Variants in VGLL4 observed in about 807,000 individuals in gnomAD.
VGLL4 encodes transcription cofactor vestigial-like protein 4.
VGLL4 carries 7 observed loss-of-function variants against 21.0 expected under a neutral mutation model. The observed-to-expected ratio is 0.33, with a 90% CI of 0.19 to 0.63. The LOEUF is 0.63. VGLL4 is among the 20% of genes least tolerant of loss of function. The pLI is 0.78. For missense variants in VGLL4, 394 were observed against 425.7 expected (o/e 0.93, Z 0.66); for synonymous variants, 222 against 173.2 (o/e 1.28, Z -2.21).
At chr3:11,563,607 C>T (rs533764580) in intron 3 of VGLL4, among the ~76,000 whole-genome samples, 283 of 152,314 alleles carry the variant, frequency 1.9e-3, no homozygotes, top group African/African-American at 6.4e-3. Flanking sequence ...GCTCGTAAAA[C>T]GTTGAAATGA....
At chr3:11,643,999 G>T, upstream of VGLL4, 2 of 990,252 alleles carry the variant, frequency 2.0e-6, no homozygotes, top group Non-Finnish European at 2.4e-6. Context: ...GAGGCAGGGA[G>T]GGCTTCTGCA....
intron 2 of VGLL4, among the ~76,000 whole-genome samples, chr3:11,595,331 AAAC>A (rs1412146807): frequency 6.6e-6 from 1 of 152,138 alleles, no homozygotes; most frequent in African/African-American, 2.4e-5. Flanking sequence ...AAAAGTCAGG[AAAC>A]AACAGGTGCT....
chr3:11,701,585 T>C (rs1286335445), intron 2 of VGLL4, among the ~76,000 whole-genome samples: 1 of 152,180 alleles, frequency 6.6e-6, no homozygotes, highest in African/African-American at 2.4e-5. Context: ...GTAAGCTCAG[T>C]ACACACGACA....
chr3:11,644,859 A>AG (rs563900907), upstream of VGLL4, among the ~76,000 whole-genome samples: 8,367 of 150,440 alleles, frequency 0.056, 292 homozygotes, highest in South Asian at 0.097. Context: ...AAAAAAAAAA[A>AG]AAAAGAAAAG....
chr3:11,669,764 C>T (rs1052997287), intron 2 of VGLL4, among the ~76,000 whole-genome samples: 3 of 152,040 alleles, frequency 2.0e-5, no homozygotes, highest in Non-Finnish European at 2.9e-5. Flanking sequence ...ATTATAGCCT[C>T]GACCTCCTGG....
intron 1 of VGLL4, among the ~76,000 whole-genome samples, chr3:11,606,820 T>C (rs1171020580): frequency 6.6e-6 from 1 of 152,114 alleles, no homozygotes; most frequent in Non-Finnish European, 1.5e-5. Context: ...AGCAACCCAC[T>C]CAAGTCCCCT....
intron 2 of VGLL4, among the ~76,000 whole-genome samples, chr3:11,596,516 G>A (rs149324655): frequency 6.6e-6 from 1 of 152,334 alleles, no homozygotes; most frequent in Non-Finnish European, 1.5e-5. Context: ...GGGAGATAGA[G>A]TATGGAACGG....
At chr3:11,671,282 C>T in intron 2 of VGLL4, 1 of 1,597,630 alleles carries the variant, frequency 6.3e-7, no homozygotes, top group Non-Finnish European at 8.5e-7. Flanking sequence ...ACCTGGATGT[C>T]TCCAACTTTT....
rs56189603 is a variant in VGLL4 at position 11,702,455 on chromosome 3, CAAAAAAAAAAAAAA to C, written c.64+502_64+515del. Among the ~76,000 whole-genome samples the C allele has an allele frequency of 6.8e-4, 65 of 96,138 alleles. 1 individual carries two copies. In the Middle Eastern group the frequency reaches 0.032, roughly 47 times the overall value. 63.1% of individuals were successfully genotyped at this position (96,138 alleles called of 152,430 possible). A position where few individuals can be genotyped will look rare whatever the true frequency, so the allele number is the denominator to read the frequency against. ...TAAAACCCCGCCTCTACTAAAAATA[CAAAAAAAAAAAAAA>C]AAAAAAAAAATTAGCTGGGCATTGT... On this transcript the variant is annotated intron_variant, in intron 2 of 5. Coordinates refer to the VGLL4 transcript ENST00000273038.
At chr3:11,576,740 C>G (rs909901740) in intron 2 of VGLL4, among the ~76,000 whole-genome samples, 24 of 152,362 alleles carry the variant, frequency 1.6e-4, no homozygotes, top group African/African-American at 5.5e-4. Context: ...CTCAATCTGA[C>G]TCTGAGCTCC....
At chr3:11,664,426 G>GC (rs2076080484) in intron 2 of VGLL4, among the ~76,000 whole-genome samples, 1 of 152,098 alleles carries the variant, frequency 6.6e-6, no homozygotes. Flanking sequence ...CTCCCATGTG[G>GC]CCCTGGGCAA....
intron 1 of VGLL4, chr3:11,633,141 C>T (rs1353215903): frequency 6.6e-6 from 1 of 152,150 alleles, no homozygotes. Flanking sequence ...CGCTGAGTAT[C>T]CTTGGGCTAG....
At chr3:11,605,592 T>C (rs2074922204) in intron 1 of VGLL4, among the ~76,000 whole-genome samples, 1 of 152,134 alleles carries the variant, frequency 6.6e-6, no homozygotes. Context: ...TCCATCAGGC[T>C]GTCCTCCTTG....
intron 1 of VGLL4, chr3:11,607,357 T>C (rs1303111212): frequency 1.3e-5 from 2 of 152,144 alleles, no homozygotes; most frequent in African/African-American, 4.8e-5. Context: ...CTGATTCCAC[T>C]TCTATGAAAT....
chr3:11,689,410 T>C (rs2076495057), intron 2 of VGLL4, among the ~76,000 whole-genome samples: 1 of 152,174 alleles, frequency 6.6e-6, no homozygotes, highest in East Asian at 1.9e-4. Context: ...TTTAATTCTA[T>C]TTGCTTCTCA....
Position 11,611,928 on chromosome 3 carries a change from TCTGAGGTGGGAC to T in VGLL4, c.83-9918_83-9907del, listed in dbSNP as rs1057066894. The T allele has an allele frequency of 3.0e-4, 45 of 151,904 alleles. No individual in the cohort carries two copies. In the Middle Eastern group the frequency reaches 0.014, roughly 46 times the overall value. The allele number at this position is 151,904 out of a possible 1,614,324, so 9.4% of individuals were successfully genotyped here. A position where few individuals can be genotyped will look rare whatever the true frequency, so the allele number is the denominator to read the frequency against. The stretch of plus-strand genomic sequence containing the variant: ...CTCCTTTGGATGGGGAGGCAGTGGG[TCTGAGGTGGGAC>T]CTGCTCCCAGACATGTCGTACTGAT... On this transcript the variant is annotated intron_variant, in intron 1 of 4. Coordinates refer to ENST00000430365, the MANE Select transcript of VGLL4 (RefSeq NM_001128219.3).
At chr3:11,655,664 C>T (rs984359058) in intron 2 of VGLL4, among the ~76,000 whole-genome samples, 4 of 152,136 alleles carry the variant, frequency 2.6e-5, no homozygotes, top group South Asian at 4.1e-4. Context: ...GTGGGGAGTG[C>T]GGGGACTAAG....
chr3:11,674,846 A>T (rs2076267983), intron 2 of VGLL4, among the ~76,000 whole-genome samples: 1 of 152,132 alleles, frequency 6.6e-6, no homozygotes, highest in Non-Finnish European at 1.5e-5. Flanking sequence ...GAAAGTAATA[A>T]GGGGGGGAAA....
intron 2 of VGLL4, among the ~76,000 whole-genome samples, chr3:11,698,719 T>A (rs2076639418): frequency 1.3e-5 from 2 of 152,206 alleles, no homozygotes; most frequent in Admixed American, 1.3e-4. Context: ...TTCCAGGCCA[T>A]CCAGATAAGC....
Sources: gnomAD v4.1 joint callset for allele counts (sites outside exome capture counted in the v4.1 genomes callset) on GRCh38, gnomAD v4.1.1 for gene constraint, MANE v1.5 for transcripts, NCBI Gene and HGNC (gene_info 2026-07-23, HGNC 2026-07-21) for gene names.